Variants in NELL2 observed in about 807,000 individuals in gnomAD.
NELL2 encodes the protein neural EGFL like 2, also known as protein kinase C-binding protein NELL2.
In NELL2, 41 loss-of-function variants were observed where a neutral mutation model predicts 109.6. That is an observed-to-expected ratio of 0.37 (90% CI 0.29 to 0.49). The LOEUF (loss-of-function observed/expected upper bound fraction) is 0.49. NELL2 is among the 20% of genes least tolerant of loss of function. NELL2 has a pLI of 0.98. For synonymous variants in NELL2, 355 were observed against 344.7 expected, an observed-to-expected ratio of 1.03 and a Z score of -0.33; for missense variants, 900 against 1,008.3, an observed-to-expected ratio of 0.89 and a Z score of 1.45.
chr12:44,757,096 C>T (rs770849357), intron 9 of NELL2, among the ~76,000 whole-genome samples: 47 of 152,192 alleles, frequency 3.1e-4, no homozygotes, highest in Admixed American at 1.4e-3. Flanking sequence ...ATCCACTTTG[C>T]ACAAGTCTGA....
chr12:44,894,463 C>T (rs1229717659), intron 1 of NELL2, among the ~76,000 whole-genome samples: 1 of 152,124 alleles, frequency 6.6e-6, no homozygotes, highest in Admixed American at 6.5e-5. Flanking sequence ...TTTCAAACTC[C>T]ATCTTTAATC....
At chr12:44,639,257 C>G (rs960211318) in intron 13 of NELL2, among the ~76,000 whole-genome samples, 3 of 152,098 alleles carry the variant, frequency 2.0e-5, no homozygotes, top group African/African-American at 7.2e-5. Flanking sequence ...AGAGATTCTA[C>G]AGATAGCAGA....
intron 9 of NELL2, among the ~76,000 whole-genome samples, chr12:44,737,774 C>G (rs1007624300): frequency 5.9e-5 from 9 of 152,064 alleles, no homozygotes; most frequent in Admixed American, 5.2e-4. Flanking sequence ...GTCTTCCTCT[C>G]CATTCTGCAT....
In NELL2 at chr12:44,784,860, T is replaced by C. The variant is rs372939304; in HGVS notation, c.336-4838A>G. ...TTCATGCTAAAAACACTCAATAAAC[T>C]AGGTATGGATGGAACGTATCTCAAA... On this transcript the variant is annotated intron_variant, in intron 3 of 19. Transcript: ENST00000429094. 2.7e-4 allele frequency among the ~76,000 whole-genome samples: 41 copies of C among 152,262 alleles called. No homozygotes were observed. The South Asian group carries it at 8.3e-3, about 31-fold the overall frequency.
chr12:44,802,060 T>C (rs754056956), intron 3 of NELL2, among the ~76,000 whole-genome samples: 1 of 152,106 alleles, frequency 6.6e-6, no homozygotes, highest in Non-Finnish European at 1.5e-5. Context: ...CAAGGCATGT[T>C]TGTACCGTTT....
chr12:44,638,063 T>C (rs886266354), intron 13 of NELL2, among the ~76,000 whole-genome samples: 1 of 152,070 alleles, frequency 6.6e-6, no homozygotes, highest in African/African-American at 2.4e-5. Context: ...ACTCTTTCAC[T>C]CTCACTCCCG....
chr12:44,770,302 A>C (rs1356378056), intron 9 of NELL2, among the ~76,000 whole-genome samples: 1 of 152,168 alleles, frequency 6.6e-6, no homozygotes, highest in Non-Finnish European at 1.5e-5. Flanking sequence ...TACATTTATT[A>C]CCTATTCAGT....
intron 9 of NELL2, among the ~76,000 whole-genome samples, chr12:44,732,530 T>C (rs74739050): frequency 0.022 from 3,293 of 152,062 alleles, 111 homozygotes; most frequent in African/African-American, 0.073. Flanking sequence ...GACCTCTATC[T>C]TACACCATGC....
intron 15 of NELL2, among the ~76,000 whole-genome samples, chr12:44,585,366 C>A (rs1430076914): frequency 1.3e-5 from 2 of 149,432 alleles, no homozygotes; most frequent in African/African-American, 5.1e-5. Flanking sequence ...CTTTGGGAGG[C>A]TGAGGGAGGC....
intron 9 of NELL2, among the ~76,000 whole-genome samples, chr12:44,730,955 A>G (rs754231004): frequency 4.6e-5 from 7 of 152,096 alleles, no homozygotes; most frequent in Non-Finnish European, 1.0e-4. Context: ...CAACCAATAC[A>G]CAGAATAAAA....
intron 2 of NELL2, among the ~76,000 whole-genome samples, chr12:44,837,191 T>C (rs775398306): frequency 2.6e-5 from 4 of 152,226 alleles, no homozygotes; most frequent in Non-Finnish European, 5.9e-5. Context: ...GTTGGTACTA[T>C]TAGTGTCCTT....
chr12:44,509,376 C>A (rs1940875607), intron 19 of NELL2, among the ~76,000 whole-genome samples: 1 of 152,066 alleles, frequency 6.6e-6, no homozygotes, highest in African/African-American at 2.4e-5. Context: ...AACATATAAT[C>A]AAAAATTGTG....
intron 15 of NELL2, among the ~76,000 whole-genome samples, chr12:44,595,318 T>C (rs1944913636): frequency 6.6e-6 from 1 of 152,194 alleles, no homozygotes; most frequent in Non-Finnish European, 1.5e-5. Flanking sequence ...AAAAAGTAAT[T>C]TATATTTTAA....
chr12:44,801,445 T>G (rs1450541), intron 3 of NELL2, among the ~76,000 whole-genome samples: 107,713 of 151,994 alleles, frequency 0.71, 38,652 homozygotes, highest in Non-Finnish European at 0.76. Flanking sequence ...GTTTTTGAGC[T>G]CTGAAGGAAG....
At position 44,690,944 on chromosome 12, in the gene NELL2, A is replaced by AATTTATTATT; in HGVS notation, c.1318+12772_1318+12781dup. Among the ~76,000 whole-genome samples the AATTTATTATT allele has an allele frequency of 1.3e-5, 2 of 152,292 alleles. 1 individual carries two copies. The highest frequency in any genetic ancestry group is 1.3e-4 in the Admixed American group (2 of 15,302). On this transcript the variant is annotated intron_variant, in intron 12 of 19. Transcript: ENST00000429094. The stretch of plus-strand genomic sequence containing the variant: ...CAGCTATATCACTAATTGATGACTT[A>AATTTATTATT]ATTTATTATTTCTTCCCTATATAGC...
At chr12:44,746,560 G>T (rs1940370304) in intron 9 of NELL2, among the ~76,000 whole-genome samples, 1 of 152,104 alleles carries the variant, frequency 6.6e-6, no homozygotes, top group Non-Finnish European at 1.5e-5. Context: ...CTGACAAAGG[G>T]CTAATACCCA....
At chr12:44,754,020 T>C (rs1022888590) in intron 9 of NELL2, among the ~76,000 whole-genome samples, 1 of 152,194 alleles carries the variant, frequency 6.6e-6, no homozygotes, top group Non-Finnish European at 1.5e-5. Flanking sequence ...TATTCCATAC[T>C]ATAAGCAAAG....
intron 13 of NELL2, among the ~76,000 whole-genome samples, chr12:44,626,232 T>C (rs900619402): frequency 1.3e-5 from 2 of 152,156 alleles, no homozygotes; most frequent in Admixed American, 6.6e-5. Context: ...TTGAATAAAA[T>C]ATAAAGTCTT....
chr12:44,690,286 G>A (rs1252439260), intron 12 of NELL2, among the ~76,000 whole-genome samples: 1 of 152,154 alleles, frequency 6.6e-6, no homozygotes, highest in Non-Finnish European at 1.5e-5. Flanking sequence ...TTCCTCTCCA[G>A]TTGAGCATAT....
Sources: gnomAD v4.1 joint callset for allele counts (sites outside exome capture counted in the v4.1 genomes callset) on GRCh38, gnomAD v4.1.1 for gene constraint, MANE v1.5 for transcripts, NCBI Gene and HGNC (gene_info 2026-07-23, HGNC 2026-07-21) for gene names.